The following KDM4C variants were observed in gnomAD, a reference collection of about 807,000 sequenced individuals.
KDM4C encodes lysine demethylase 4C.
A neutral mutation model predicts 129.3 loss-of-function variants in KDM4C; 81 were observed. The observed-to-expected ratio is 0.63, with a 90% CI of 0.52 to 0.75. KDM4C has a LOEUF of 0.75. KDM4C is among the 30% of genes least tolerant of loss of function. The probability of loss-of-function intolerance (pLI) is 0.00; values close to 1 mark genes in which losing one functional copy is unlikely to be tolerated. For missense variants in KDM4C, 1,457 were observed against 1,304.0 expected, an observed-to-expected ratio of 1.12 and a Z score of -1.81; for synonymous variants, 573 against 456.1, an observed-to-expected ratio of 1.26 and a Z score of -3.26.
chr9:6,873,945 A>T (rs899224764), intron 5 of KDM4C, among the ~76,000 whole-genome samples: 1 of 131,044 alleles, frequency 7.6e-6, no homozygotes. Context: ...AGAGAGCGAG[A>T]GAGAGAGAGA....
At chr9:7,003,544 C>T (rs1821118836) in intron 12 of KDM4C, among the ~76,000 whole-genome samples, 1 of 150,980 alleles carries the variant, frequency 6.6e-6, no homozygotes, top group Non-Finnish European at 1.5e-5. Flanking sequence ...ACTTTTGTAT[C>T]AGTGTTATTG....
At chr9:6,860,048 A>T (rs1283242116) in intron 5 of KDM4C, among the ~76,000 whole-genome samples, 1 of 152,176 alleles carries the variant, frequency 6.6e-6, no homozygotes, top group African/African-American at 2.4e-5. Flanking sequence ...TTTTTACACC[A>T]TCAACTTTCT....
chr9:6,830,417 T>A (rs1252051742), intron 4 of KDM4C, among the ~76,000 whole-genome samples: 4 of 152,136 alleles, frequency 2.6e-5, no homozygotes, highest in Non-Finnish European at 5.9e-5. Context: ...TCAAAATAAG[T>A]CACCAGCTGT....
chr9:7,014,058 AT>A, intron 14 of KDM4C, 57 bp downstream of exon 14: 4 of 1,448,964 alleles, frequency 2.8e-6, no homozygotes, highest in Non-Finnish European at 3.8e-6. Context: ...CATCATCTTT[AT>A]TTCTCACTTT....
intron 19 of KDM4C, among the ~76,000 whole-genome samples, chr9:7,163,090 C>CA (rs1843980399): frequency 6.6e-6 from 1 of 152,090 alleles, no homozygotes; most frequent in Admixed American, 6.5e-5. Flanking sequence ...AGGAGCAGAG[C>CA]AGAGTGCAGG....
chr9:7,024,247 A>C lies in KDM4C; in HGVS notation c.2259+8318A>C, dbSNP rs558595608. ...TGGTGTGTTGATGTCTCCAGCTGTT[A>C]TTGTATTGGAGTCTATCTCTCTTTT... is the stretch of plus-strand genomic sequence containing the variant. On this transcript the variant is annotated intron_variant, in intron 15 of 21. Transcript: ENST00000381309. 2.3e-5 allele frequency among the ~76,000 whole-genome samples: 3 copies of C among 129,242 alleles called. No individual in the cohort carries two copies. In the South Asian group the frequency reaches 7.2e-4, roughly 31 times the overall value. 84.8% of individuals were successfully genotyped at this position (129,242 alleles called of 152,430 possible). A position where few individuals can be genotyped will look rare whatever the true frequency, so the allele number is the denominator to read the frequency against.
At chr9:6,809,561 T>A (rs1041244161) in intron 3 of KDM4C, among the ~76,000 whole-genome samples, 5 of 152,216 alleles carry the variant, frequency 3.3e-5, no homozygotes, top group Non-Finnish European at 5.9e-5. Context: ...TACAAAGTGC[T>A]ATGAGGTTTC....
At chr9:7,020,617 C>G (rs1282684510) in intron 15 of KDM4C, among the ~76,000 whole-genome samples, 3 of 152,072 alleles carry the variant, frequency 2.0e-5, no homozygotes, top group African/African-American at 4.8e-5. Context: ...GTATCTGTGT[C>G]TCATTATGTT....
chr9:6,789,166 T>TC (rs1826047488), intron 1 of KDM4C, among the ~76,000 whole-genome samples: 1 of 150,896 alleles, frequency 6.6e-6, no homozygotes, highest in South Asian at 2.1e-4. Context: ...AGTCCTCCCG[T>TC]CTCAGCCTCC....
At chr9:7,022,943 T>A (rs563328812) in intron 15 of KDM4C, among the ~76,000 whole-genome samples, 25 of 152,212 alleles carry the variant, frequency 1.6e-4, no homozygotes, top group Non-Finnish European at 2.8e-4. Context: ...ATATGATGTA[T>A]CACATTGATT....
chr9:7,170,293 T>C, intron 21 of KDM4C: 1 of 1,059,544 alleles, frequency 9.4e-7, no homozygotes, highest in Non-Finnish European at 1.1e-6. Context: ...TGAATGTCTG[T>C]CTATTCTTTT....
chr9:6,859,516 A>G (rs1840540170), intron 5 of KDM4C, among the ~76,000 whole-genome samples: 1 of 146,904 alleles, frequency 6.8e-6, no homozygotes, highest in Non-Finnish European at 1.5e-5. Flanking sequence ...CTCTGGTAAC[A>G]CAGACGACAG....
chr9:7,046,836 CAT>C (rs1251832128), intron 15 of KDM4C, 24 bp from the exon 16 acceptor site: 16 of 1,547,780 alleles, frequency 1.0e-5, no homozygotes, highest in Non-Finnish European at 1.4e-5. Context: ...GTCTGGTCAT[CAT>C]GTGGTATTTT....
chr9:6,774,648 G>A (rs915341319), intron 1 of KDM4C, among the ~76,000 whole-genome samples: 3 of 152,082 alleles, frequency 2.0e-5, no homozygotes, highest in African/African-American at 7.2e-5. Flanking sequence ...ATGGGTGACA[G>A]AGTGTTTAAA....
At chr9:6,925,057 C>G in intron 8 of KDM4C, 1 of 985,288 alleles carries the variant, frequency 1.0e-6, no homozygotes, top group Non-Finnish European at 1.2e-6. Flanking sequence ...AATGAACATT[C>G]AACGAAACAT....
At position 7,063,584 on chromosome 9, in the gene KDM4C, T is replaced by C. The variant is rs79847755; in HGVS notation, c.2424+14384T>C. Among the ~76,000 whole-genome samples, 40 of 152,366 alleles carry C rather than the reference T, an allele frequency of 2.6e-4. 1 individual carries two copies. Among genetic ancestry groups the C allele is most frequent in the African/African-American group, 6.7e-4 (28 of 41,584 alleles). ...TTAGGTGATAAAGTTACTTGCTTTC[T>C]GGTCTTAACGATATTACAGGGTAAT... On this transcript the variant is annotated intron_variant, in intron 17 of 21. Transcript: ENST00000381309.
At chr9:6,931,376 C>G (rs576484864) in intron 8 of KDM4C, among the ~76,000 whole-genome samples, 1 of 152,112 alleles carries the variant, frequency 6.6e-6, no homozygotes, top group African/African-American at 2.4e-5. Context: ...CTTATTACCT[C>G]TTCATTTAGA....
chr9:6,830,434 G>C, intron 4 of KDM4C, among the ~76,000 whole-genome samples: 1 of 152,148 alleles, frequency 6.6e-6, no homozygotes, highest in East Asian at 1.9e-4. Flanking sequence ...CTGTCAGTGG[G>C]CTTTTGGGGG....
chr9:6,793,046 A>G lies in KDM4C; in HGVS notation c.58A>G (p.Arg20Gly). 1 of 1,614,186 alleles carries G rather than the reference A, an allele frequency of 6.2e-7. No homozygotes were observed. The highest frequency in any genetic ancestry group is 8.5e-7 in the Non-Finnish European group (1 of 1,180,016). Residue 20 changes from arginine to glycine, a missense_variant, in exon 2 of 22, where the codon AGA becomes GGA. By Grantham distance (125) the Arg-to-Gly change is moderately radical. Transcript: ENST00000381309. ...LNPSCKIMTF[R>G]PSMEEFREFN... The stretch of plus-strand genomic sequence containing the variant: ...CCCCAGCTGTAAGATAATGACCTTC[A>G]GACCCTCCATGGAGGAGTTCCGGGA...
Sources: allele counts gnomAD v4.1 joint callset (sites outside exome capture counted in the v4.1 genomes callset), GRCh38; gene constraint gnomAD v4.1.1; transcripts MANE v1.5; gene names NCBI Gene and HGNC (gene_info 2026-07-23, HGNC 2026-07-21).